NFASC: variants seen among roughly 807,000 people sequenced by gnomAD.
NFASC encodes the protein neurofascin, also known as neurofascin homolog.
In NFASC, 43 loss-of-function variants were observed where a neutral mutation model predicts 147.5. That is an observed-to-expected ratio of 0.29 (90% CI 0.23 to 0.38). NFASC has a LOEUF of 0.38. Ranked by LOEUF, NFASC falls within the 10% of genes least tolerant of loss-of-function variation. The pLI is 1.00. For synonymous variants in NFASC, 622 were observed against 665.5 expected, an observed-to-expected ratio of 0.93 and a Z score of 1.01; for missense variants, 1,320 against 1,689.0, an observed-to-expected ratio of 0.78 and a Z score of 3.83.
Position 204,899,421 on chromosome 1 carries a change from G to GC in NFASC, c.-199-21210dup, listed in dbSNP as rs397741497. Among the ~76,000 whole-genome samples the GC allele has an allele frequency of 2.5e-4, 21 of 82,718 alleles. No homozygotes were observed. The African/African-American group carries it at 5.5e-3, about 22-fold the overall frequency. 54.3% of individuals were successfully genotyped at this position (82,718 alleles called of 152,430 possible). On this transcript the variant is annotated intron_variant, in intron 1 of 29. Coordinates refer to ENST00000339876, the MANE Select transcript of NFASC (RefSeq NM_001005388.3). The stretch of plus-strand genomic sequence containing the variant: ...GAGGCCGGCAGCTGGGCAACACTCA[G>GC]CATCTCTCTCCTTTCCCCCAGTCCA...
intron 1 of NFASC, among the ~76,000 whole-genome samples, chr1:204,911,196 GA>G (rs1303332618): frequency 6.6e-6 from 1 of 152,136 alleles, no homozygotes; most frequent in African/African-American, 2.4e-5. Context: ...TGATTGACAC[GA>G]TTGTGTAATT....
At chr1:204,922,930 A>G (rs2090785574) in intron 2 of NFASC, among the ~76,000 whole-genome samples, 1 of 152,224 alleles carries the variant, frequency 6.6e-6, no homozygotes, top group African/African-American at 2.4e-5. Flanking sequence ...TGCACCAGGC[A>G]CTGTGCCCTG....
In NFASC at chr1:204,828,801, C is replaced by T. The variant is rs924742328; in HGVS notation, c.-200+19C>T. The T allele has an allele frequency of 7.1e-6, 7 of 985,210 alleles. No homozygotes were observed. The highest frequency in any genetic ancestry group is 6.2e-5 in the Admixed American group (1 of 16,246). 61.0% of individuals were successfully genotyped at this position (985,210 alleles called of 1,614,324 possible). A position where few individuals can be genotyped will look rare whatever the true frequency, so the allele number is the denominator to read the frequency against. On this transcript the variant is annotated intron_variant, in intron 1 of 29. Coordinates refer to ENST00000339876, the MANE Select transcript of NFASC (RefSeq NM_001005388.3). ...CTTGGAGGTAGGCGAGCGCGAACAC[C>T]GGAGAGATGGGGGTAGAGAGTCATG... is the stretch of plus-strand genomic sequence containing the variant.
rs898011014 is a variant in NFASC at position 204,968,145 on chromosome 1, C to T, written c.707-104C>T. On this transcript the variant is annotated intron_variant, in intron 8 of 29. Transcript: ENST00000339876. This position sits in a 1 kb window ranked among gnomAD's most constrained non-coding sequence, Gnocchi z 5.4. ...TGGGATGGTTTCAGCTGGGAGGATC[C>T]GGCAGGGGCGGTGATGCCACTTCTC... The T allele has an allele frequency of 3.5e-5, 28 of 807,812 alleles. No homozygotes were observed. Among genetic ancestry groups the T allele is most frequent in the East Asian group, 1.5e-4 (6 of 40,100 alleles). The allele number at this position is 807,812 out of a possible 1,614,324, so 50.0% of individuals were successfully genotyped here.
At chr1:204,876,799 AATAAT>A (rs1380966749) in intron 1 of NFASC, among the ~76,000 whole-genome samples, 3 of 151,790 alleles carry the variant, frequency 2.0e-5, no homozygotes, top group Non-Finnish European at 4.4e-5. Flanking sequence ...TTCCAGGCTG[AATAAT>A]ATTCTATTGT....
chr1:204,946,336 C>T (rs774735692), intron 3 of NFASC: 1 of 513,400 alleles, frequency 1.9e-6, no homozygotes, highest in Admixed American at 2.0e-5. Context: ...AGGTGTTATC[C>T]TTAGCCTGCG....
chr1:204,935,566 T>C (rs888237758), intron 2 of NFASC, among the ~76,000 whole-genome samples: 1 of 152,190 alleles, frequency 6.6e-6, no homozygotes, highest in African/African-American at 2.4e-5. Context: ...TGAGCAAGCC[T>C]GACTGTCCTG....
chr1:204,856,197 G>A (rs775047933), intron 1 of NFASC, among the ~76,000 whole-genome samples: 14 of 152,044 alleles, frequency 9.2e-5, no homozygotes, highest in Non-Finnish European at 1.9e-4. Flanking sequence ...GGCTCAAAAG[G>A]CCAAGAAGAC....
At chr1:204,962,123 A>T (rs1415349218) in intron 8 of NFASC, 2 of 1,613,038 alleles carry the variant, frequency 1.2e-6, no homozygotes, top group Non-Finnish European at 1.7e-6. Flanking sequence ...CCTTATAATG[A>T]CTCGTCCTTA....
intron 3 of NFASC, chr1:204,946,848 C>A: frequency 2.1e-6 from 1 of 486,086 alleles, no homozygotes; most frequent in South Asian, 1.5e-5. Context: ...CCCACAAGAC[C>A]AAGCGAGGCC....
intron 8 of NFASC, chr1:204,962,171 G>A (rs757206963): frequency 7.0e-5 from 113 of 1,609,130 alleles, no homozygotes; most frequent in Non-Finnish European, 9.1e-5. Flanking sequence ...GAGTCGCAGC[G>A]GTAACCTTGG....
In NFASC at chr1:204,986,501, C is replaced by T. The variant is rs188780804; in HGVS notation, c.2471-917C>T. Among the ~76,000 whole-genome samples, 1 of 152,352 alleles carries T rather than the reference C, an allele frequency of 6.6e-6. No homozygotes were observed. Among genetic ancestry groups the T allele is most frequent in the African/African-American group, 2.4e-5 (1 of 41,586 alleles). On this transcript the variant is annotated intron_variant, in intron 21 of 29. Transcript: ENST00000339876. This position sits in a 1 kb window ranked among gnomAD's most constrained non-coding sequence, Gnocchi z 4.2. The stretch of plus-strand genomic sequence containing the variant: ...GCCAGCACCCAACACCTTCACGGTT[C>T]TCCCCCCACGTTCTCAAGAAGCCGT...
At position 205,017,050 on chromosome 1, in the gene NFASC, C is replaced by T. The variant is rs962831987; in HGVS notation, c.*511C>T. On this transcript the variant is annotated 3_prime_UTR_variant, in exon 30 of 30. Coordinates refer to ENST00000339876, the MANE Select transcript of NFASC (RefSeq NM_001005388.3). ...ATAGGCAAAAAGGATTGAATCCATA[C>T]CAGAACACGTAGACAGGCTGTAATA... 1 of 252,218 alleles carries T rather than the reference C, an allele frequency of 4.0e-6. No individual in the cohort carries two copies. Among genetic ancestry groups the T allele is most frequent in the Non-Finnish European group, 7.9e-6 (1 of 126,882 alleles). 15.6% of individuals were successfully genotyped at this position (252,218 alleles called of 1,614,324 possible). A position where few individuals can be genotyped will look rare whatever the true frequency, so the allele number is the denominator to read the frequency against.
chr1:204,832,425 C>CT (rs1672481205), intron 1 of NFASC, among the ~76,000 whole-genome samples: 1 of 152,102 alleles, frequency 6.6e-6, no homozygotes, highest in African/African-American at 2.4e-5. Flanking sequence ...GTTCACACAC[C>CT]TGCAAGGTGT....
intron 8 of NFASC, chr1:204,962,126 C>T (rs2094705564): frequency 1.2e-6 from 2 of 1,613,564 alleles, no homozygotes; most frequent in Non-Finnish European, 8.5e-7. Context: ...TATAATGACT[C>T]GTCCTTAAGA....
At chr1:204,959,335 C>T (rs371578242) in intron 8 of NFASC, among the ~76,000 whole-genome samples, 25 of 152,308 alleles carry the variant, frequency 1.6e-4, no homozygotes, top group East Asian at 7.7e-4. Flanking sequence ...TGGCTTCACT[C>T]CAGTTGCTCC....
At position 204,902,920 on chromosome 1, in the gene NFASC, G is replaced by T. The variant is rs573203704; in HGVS notation, c.-199-17712G>T. 2.0e-5 allele frequency among the ~76,000 whole-genome samples: 3 copies of T among 152,346 alleles called. No homozygotes were observed. In the South Asian group the frequency reaches 6.2e-4, roughly 32 times the overall value. On this transcript the variant is annotated intron_variant, in intron 1 of 29. Transcript: ENST00000339876. ...AGACGGCAGGGAGGTATGTGTGAATGTATTTCCGCAGCCATGTCCAGCGGC... is the reference window on the plus strand; with the variant it reads ...AGACGGCAGGGAGGTATGTGTGAATTTATTTCCGCAGCCATGTCCAGCGGC...
In NFASC at chr1:204,879,958, G is replaced by A. The variant is rs183386450; in HGVS notation, c.-199-40674G>A. ...GGGCTCTCGGCTGTGGGCACAGCTG[G>A]TGGTGCTGGCCCTCTCATTCTGGGG... On this transcript the variant is annotated intron_variant, in intron 1 of 29. Coordinates refer to ENST00000339876, the MANE Select transcript of NFASC (RefSeq NM_001005388.3). 2.7e-3 allele frequency among the ~76,000 whole-genome samples: 411 copies of A among 152,302 alleles called. 1 individual carries two copies. The highest frequency in any genetic ancestry group is 9.2e-3 in the African/African-American group (383 of 41,564).
At chr1:204,842,833 C>T (rs1020383282) in intron 1 of NFASC, among the ~76,000 whole-genome samples, 3 of 152,248 alleles carry the variant, frequency 2.0e-5, no homozygotes, top group East Asian at 1.9e-4. Flanking sequence ...TTTCCTCCTC[C>T]ATCTGGCTGC....
Sources: gnomAD v4.1 joint callset for allele counts (sites outside exome capture counted in the v4.1 genomes callset) on GRCh38, gnomAD v4.1.1 for gene constraint, Gnocchi (gnomAD v3.1) non-coding constraint, MANE v1.5 for transcripts, NCBI Gene and HGNC (gene_info 2026-07-23, HGNC 2026-07-21) for gene names.